Variants in COL24A1 observed in about 807,000 individuals in gnomAD.
COL24A1 encodes collagen type XXIV alpha 1 chain.
Under a neutral mutation model 253.9 loss-of-function variants are expected in COL24A1, and 224 were observed. The observed-to-expected ratio is 0.88, with a 90% CI of 0.79 to 0.99. The LOEUF (loss-of-function observed/expected upper bound fraction) is 0.99, where lower values mean the gene tolerates loss of function less well. Ranked by LOEUF, COL24A1 falls within the 50% of genes least tolerant of loss-of-function variation. COL24A1 has a pLI of 0.00. For synonymous variants in COL24A1, 685 were observed against 673.7 expected (o/e 1.02, Z -0.26); for missense variants, 2,131 against 2,068.5 (o/e 1.03, Z -0.59).
rs190084664 is a variant in COL24A1, at chr1:85,802,624, T to C, written c.3951+14164A>G. Among the ~76,000 whole-genome samples, 87 of 152,286 alleles carry C rather than the reference T, an allele frequency of 5.7e-4. 1 individual carries two copies. The highest frequency in any genetic ancestry group is 6.8e-3 in the Middle Eastern group (2 of 294). On this transcript the variant is annotated intron_variant, in intron 47 of 59. Transcript: ENST00000370571. ...CGAAGTAAATTTCAAAGTATATAAT[T>C]TGATAAACTGGCATAATAAATATAC...
chr1:85,817,794 G>T (rs1673196585), intron 46 of COL24A1, among the ~76,000 whole-genome samples: 1 of 152,030 alleles, frequency 6.6e-6, no homozygotes, highest in South Asian at 2.1e-4. Context: ...CACCGGGAGG[G>T]CTTCATAACC....
At chr1:85,830,933 A>G (rs958973197) in intron 43 of COL24A1, among the ~76,000 whole-genome samples, 1 of 152,114 alleles carries the variant, frequency 6.6e-6, no homozygotes, top group African/African-American at 2.4e-5. Flanking sequence ...TTATTTGGCA[A>G]TCTTGGCTCC....
At chr1:86,153,059 C>G (rs1395709) in intron 1 of COL24A1, among the ~76,000 whole-genome samples, 1 of 152,160 alleles carries the variant, frequency 6.6e-6, no homozygotes, top group Non-Finnish European at 1.5e-5. Context: ...AACTTCATTT[C>G]TTTCAGGCCC....
intron 24 of COL24A1, among the ~76,000 whole-genome samples, chr1:85,919,801 C>A (rs1686266845): frequency 6.6e-6 from 1 of 152,190 alleles, no homozygotes; most frequent in African/African-American, 2.4e-5. Context: ...GCAAAAATAA[C>A]TTTCTGTTGT....
At chr1:85,942,756 C>T (rs1262718011) in intron 24 of COL24A1, among the ~76,000 whole-genome samples, 2 of 152,144 alleles carry the variant, frequency 1.3e-5, no homozygotes, top group South Asian at 2.1e-4. Flanking sequence ...TCTTCAGTTG[C>T]ATGCAGGATA....
At chr1:85,959,545 C>T (rs1031978231) in intron 24 of COL24A1, among the ~76,000 whole-genome samples, 1 of 152,096 alleles carries the variant, frequency 6.6e-6, no homozygotes, top group African/African-American at 2.4e-5. Context: ...CAATGTGCTC[C>T]AGATTCCTAA....
intron 33 of COL24A1, 104 bp downstream of exon 33, chr1:85,877,018 C>G (rs994985601): frequency 7.3e-5 from 56 of 762,608 alleles, no homozygotes; most frequent in Non-Finnish European, 1.0e-4. Flanking sequence ...TGAAACAATA[C>G]TATAGAATTA....
chr1:85,838,653 C>A lies in COL24A1; in HGVS notation c.3628-15G>T. On this transcript the variant is annotated splice_polypyrimidine_tract_variant and intron_variant, in intron 42 of 59. Transcript: ENST00000370571. ...CCCACTGGACCCTACAGAGACCACA[C>A]ACAAAACAATCAGTTTTACAGCTGG... 1 of 1,613,236 alleles carries A rather than the reference C, an allele frequency of 6.2e-7. No homozygotes were observed. The highest frequency in any genetic ancestry group is 8.5e-7 in the Non-Finnish European group (1 of 1,179,322).
chr1:86,120,790 A>G (rs61802239), intron 3 of COL24A1, among the ~76,000 whole-genome samples: 26,570 of 152,056 alleles, frequency 0.17, 2,443 homozygotes, highest in South Asian at 0.27. Flanking sequence ...TCCCATTACT[A>G]GGTATATATC....
At chr1:85,775,778 T>C in intron 52 of COL24A1, 69 bp from the exon 53 acceptor site, 1 of 1,288,702 alleles carries the variant, frequency 7.8e-7, no homozygotes, top group East Asian at 2.3e-5. Flanking sequence ...GCTGAGGTCA[T>C]TATATGTAGA....
intron 33 of COL24A1, among the ~76,000 whole-genome samples, 160 bp downstream of exon 33, chr1:85,876,959 TATA>T (rs1247319244): frequency 6.6e-6 from 1 of 152,186 alleles, no homozygotes; most frequent in African/African-American, 2.4e-5. Context: ...AAATTAGACA[TATA>T]ATAATCATCT....
chr1:85,843,020 A>G (rs1676788094), intron 39 of COL24A1, among the ~76,000 whole-genome samples: 1 of 152,110 alleles, frequency 6.6e-6, no homozygotes, highest in African/African-American at 2.4e-5. Context: ...AAAACAAACA[A>G]ACAAACAAAA....
intron 24 of COL24A1, among the ~76,000 whole-genome samples, chr1:85,915,638 A>G (rs555621403): frequency 2.0e-5 from 3 of 152,254 alleles, no homozygotes; most frequent in African/African-American, 4.8e-5. Flanking sequence ...GACTAGTCAA[A>G]CTATTCGGAA....
chr1:85,759,914 A>G (rs1666666779), intron 55 of COL24A1, among the ~76,000 whole-genome samples: 1 of 152,196 alleles, frequency 6.6e-6, no homozygotes, highest in South Asian at 2.1e-4. Flanking sequence ...TTCTTTCTTG[A>G]GAAGGGAGCT....
At chr1:86,132,526 T>G (rs1467747571) in intron 2 of COL24A1, among the ~76,000 whole-genome samples, 4 of 152,202 alleles carry the variant, frequency 2.6e-5, no homozygotes, top group African/African-American at 9.7e-5. Flanking sequence ...TTAATCCATC[T>G]TGAATTAATT....
chr1:85,735,068 C>A, intron 58 of COL24A1, 104 bp from the exon 59 acceptor site: 1 of 1,049,372 alleles, frequency 9.5e-7, no homozygotes, highest in Non-Finnish European at 1.4e-6. Context: ...CTCCAGAAAG[C>A]TCCTTTCCTT....
intron 5 of COL24A1, among the ~76,000 whole-genome samples, chr1:86,104,810 A>G (rs987673276): frequency 6.6e-6 from 1 of 152,220 alleles, no homozygotes; most frequent in African/African-American, 2.4e-5. Flanking sequence ...GTGCTAGCCA[A>G]AGTGTTTCAT....
intron 28 of COL24A1, among the ~76,000 whole-genome samples, chr1:85,903,849 C>G (rs1270787546): frequency 1.3e-5 from 2 of 152,058 alleles, no homozygotes; most frequent in Non-Finnish European, 1.5e-5. Flanking sequence ...ACAGCTGAAA[C>G]AAAACGTTCT....
intron 24 of COL24A1, among the ~76,000 whole-genome samples, chr1:85,926,319 T>C (rs1687211100): frequency 2.0e-5 from 3 of 152,202 alleles, no homozygotes; most frequent in Admixed American, 6.5e-5. Context: ...GCAATCCCAT[T>C]ACTGGGTATA....
Sources: gnomAD v4.1 joint callset for allele counts (sites outside exome capture counted in the v4.1 genomes callset) on GRCh38, gnomAD v4.1.1 for gene constraint, MANE v1.5 for transcripts, NCBI Gene and HGNC (gene_info 2026-07-23, HGNC 2026-07-21) for gene names.